Variants in SNX10 observed in about 807,000 individuals in gnomAD.
SNX10 encodes the protein sorting nexin 10.
Under a neutral mutation model 28.5 loss-of-function variants are expected in SNX10, and 25 were observed. The ratio of observed to expected loss-of-function variants is 0.88; its 90% CI spans 0.64 to 1.22. The LOEUF is 1.22. Ranked by LOEUF, SNX10 falls within the 50% of genes most tolerant of loss-of-function variation. The pLI is 0.00. For synonymous variants in SNX10, 62 were observed against 81.4 expected (o/e 0.76, Z 1.28); for missense variants, 223 against 242.6 (o/e 0.92, Z 0.54).
Position 26,314,400 on chromosome 7 carries a change from G to A in SNX10, c.-24+22314G>A, listed in dbSNP as rs538232595. Among the ~76,000 whole-genome samples the A allele has an allele frequency of 2.7e-4, 41 of 152,146 alleles. No homozygotes were observed. In the East Asian group the frequency reaches 5.4e-3, roughly 20 times the overall value. On this transcript the variant is annotated intron_variant, in intron 1 of 6. Transcript: ENST00000338523. ...CTCCCGAGTAGCTGGGATTACAGGC[G>A]TGTGTCACCATGCCTGGCTAATTTT...
intron 1 of SNX10, among the ~76,000 whole-genome samples, chr7:26,325,495 G>A (rs568142531): frequency 2.0e-5 from 3 of 149,524 alleles, no homozygotes; most frequent in Non-Finnish European, 4.5e-5. Flanking sequence ...TATATTTTTG[G>A]TTGTGACGGG....
intron 3 of SNX10, among the ~76,000 whole-genome samples, 173 bp downstream of exon 3, chr7:26,361,234 A>T (rs1562818790): frequency 6.6e-6 from 1 of 152,206 alleles, no homozygotes; most frequent in Non-Finnish European, 1.5e-5. Context: ...AAAGTTGAAA[A>T]ATTACTTATT....
chr7:26,353,437 CTT>C (rs11386172), intron 2 of SNX10, among the ~76,000 whole-genome samples: 9,017 of 70,532 alleles, frequency 0.13, 177 homozygotes, highest in Non-Finnish European at 0.18. Flanking sequence ...CTGGTAAATG[CTT>C]TTTTTTTTTT....
In SNX10 at chr7:26,323,289, TAAAACTTAGGGGA is replaced by T. The variant is rs148391514; in HGVS notation, c.-23-23112_-23-23100del. Among the ~76,000 whole-genome samples, 3,733 of 151,606 alleles carry T rather than the reference TAAAACTTAGGGGA, an allele frequency of 0.025. 291 individuals are homozygous for T. In the East Asian group the frequency reaches 0.26, roughly 11 times the overall value. ...CAAAACAAAAATAAATAAAATAGTG[TAAAACTTAGGGGA>T]AAAACTTAGGGGAAAAACGAGTTAT... On this transcript the variant is annotated intron_variant, in intron 1 of 6. Coordinates refer to ENST00000338523, the MANE Select transcript of SNX10 (RefSeq NM_013322.3).
At chr7:26,368,546 A>G (rs1789383653) in intron 5 of SNX10, among the ~76,000 whole-genome samples, 1 of 152,166 alleles carries the variant, frequency 6.6e-6, no homozygotes, top group Non-Finnish European at 1.5e-5. Context: ...CATGACTGGG[A>G]GCCGCTTCCC....
In SNX10 at chr7:26,343,170, T is replaced by C. The variant is rs565779753; in HGVS notation, c.-23-3250T>C. ...GGCCAATTATCAGACTCCTATTAGA[T>C]AGAACTGCAGAGTTCTGCCTGGCTG... On this transcript the variant is annotated intron_variant, in intron 1 of 6. Coordinates refer to ENST00000338523, the MANE Select transcript of SNX10 (RefSeq NM_013322.3). Among the ~76,000 whole-genome samples the C allele has an allele frequency of 3.8e-4, 58 of 152,306 alleles. No individual in the cohort carries two copies. The South Asian group carries it at 5.2e-3, about 14-fold the overall frequency.
chr7:26,335,181 T>C (rs1787877493), intron 1 of SNX10, among the ~76,000 whole-genome samples: 1 of 152,186 alleles, frequency 6.6e-6, no homozygotes, highest in Non-Finnish European at 1.5e-5. Flanking sequence ...CTGGCTCCTG[T>C]GATTCAGCTT....
chr7:26,326,188 TC>T (rs1364825921), intron 1 of SNX10, among the ~76,000 whole-genome samples: 1 of 152,236 alleles, frequency 6.6e-6, no homozygotes, highest in Non-Finnish European at 1.5e-5. Context: ...AATTAGTTCT[TC>T]CCTTGCTTTT....
intron 2 of SNX10, among the ~76,000 whole-genome samples, chr7:26,358,269 G>C (rs1788903592): frequency 6.6e-6 from 1 of 152,146 alleles, no homozygotes; most frequent in Non-Finnish European, 1.5e-5. Context: ...AGAGTACCTG[G>C]ATTTTTGCTT....
At chr7:26,371,429 C>T (rs1378589542) in intron 5 of SNX10, among the ~76,000 whole-genome samples, 1 of 152,048 alleles carries the variant, frequency 6.6e-6, no homozygotes, top group Non-Finnish European at 1.5e-5. Flanking sequence ...TTCATGACAG[C>T]CTATCCCATA....
rs537684243 is a variant in SNX10 at position 26,362,070 on chromosome 7, C to T, written c.111+1009C>T. On this transcript the variant is annotated intron_variant, in intron 3 of 6. Coordinates refer to ENST00000338523, the MANE Select transcript of SNX10 (RefSeq NM_013322.3). Reference sequence around the variant, plus strand: ...CCCAAACACCAGCTGTAGAACTTTTCTTTTTTTAAATTCTCCTTTCTTCTC... The same window carrying T: ...CCCAAACACCAGCTGTAGAACTTTTTTTTTTTTAAATTCTCCTTTCTTCTC... 2.2e-4 allele frequency among the ~76,000 whole-genome samples: 34 copies of T among 152,172 alleles called. 1 individual carries two copies. In the South Asian group the frequency reaches 6.8e-3, roughly 31 times the overall value.
intron 1 of SNX10, among the ~76,000 whole-genome samples, chr7:26,299,993 C>T (rs1170930495): frequency 6.6e-6 from 1 of 151,930 alleles, no homozygotes; most frequent in African/African-American, 2.4e-5. Flanking sequence ...AGTGGATCTC[C>T]TGAGGTCAGG....
chr7:26,327,700 C>G (rs1787555429), intron 1 of SNX10, among the ~76,000 whole-genome samples: 1 of 140,290 alleles, frequency 7.1e-6, no homozygotes, highest in South Asian at 2.3e-4. Context: ...CTCATTTGTT[C>G]ATTGTATTCA....
intron 5 of SNX10, among the ~76,000 whole-genome samples, chr7:26,367,245 C>T (rs955578030): frequency 2.6e-5 from 4 of 152,104 alleles, no homozygotes; most frequent in East Asian, 1.9e-4. Flanking sequence ...GGCCAGGCTG[C>T]GTGCCACGGA....
intron 1 of SNX10, among the ~76,000 whole-genome samples, chr7:26,338,806 T>C (rs1034236080): frequency 2.6e-5 from 4 of 152,110 alleles, no homozygotes; most frequent in Admixed American, 6.5e-5. Flanking sequence ...CAAAATGAGG[T>C]TTTCTTCCTG....
At chr7:26,298,761 G>A (rs1786205357) in intron 1 of SNX10, among the ~76,000 whole-genome samples, 1 of 152,202 alleles carries the variant, frequency 6.6e-6, no homozygotes, top group Admixed American at 6.5e-5. Flanking sequence ...TGGAGGCTGG[G>A]AAATGCAGGC....
intron 1 of SNX10, among the ~76,000 whole-genome samples, chr7:26,331,500 C>T (rs929831557): frequency 2.0e-5 from 3 of 150,350 alleles, no homozygotes; most frequent in African/African-American, 7.3e-5. Context: ...GTAGGTGGAT[C>T]ACTTGGGCCT....
At chr7:26,309,572 C>T (rs944663208) in intron 1 of SNX10, among the ~76,000 whole-genome samples, 37 of 152,110 alleles carry the variant, frequency 2.4e-4, no homozygotes, top group Non-Finnish European at 8.8e-5. Context: ...ATAAGTATTA[C>T]GTCTTTTCAG....
chr7:26,323,323 G>A (rs1251939016), intron 1 of SNX10, among the ~76,000 whole-genome samples: 2 of 152,018 alleles, frequency 1.3e-5, no homozygotes, highest in African/African-American at 4.8e-5. Flanking sequence ...GGAAAAACGA[G>A]TTATGGTATT....
Sources: allele counts gnomAD v4.1 joint callset (sites outside exome capture counted in the v4.1 genomes callset), GRCh38; gene constraint gnomAD v4.1.1; transcripts MANE v1.5; gene names NCBI Gene and HGNC (gene_info 2026-07-23, HGNC 2026-07-21).